GABBR2: variants seen among roughly 807,000 people sequenced by gnomAD.
GABBR2 encodes G-protein coupled receptor 51.
In GABBR2, 23 loss-of-function variants were observed where a neutral mutation model predicts 105.6. The ratio of observed to expected loss-of-function variants is 0.22; its 90% CI spans 0.16 to 0.31. GABBR2 has a LOEUF of 0.31. Ranked by LOEUF, GABBR2 falls within the 10% of genes least tolerant of loss-of-function variation. The pLI, the probability that GABBR2 is intolerant of heterozygous loss-of-function variation, is 1.00. For synonymous variants in GABBR2, 478 were observed against 499.7 expected, an observed-to-expected ratio of 0.96 and a Z score of 0.58; for missense variants, 734 against 1,245.5, an observed-to-expected ratio of 0.59 and a Z score of 6.18.
At chr9:98,508,940 G>C (rs1588202659) in intron 3 of GABBR2, among the ~76,000 whole-genome samples, 1 of 152,212 alleles carries the variant, frequency 6.6e-6, no homozygotes, top group South Asian at 2.1e-4. Context: ...CCAGCATGCA[G>C]CTGGAGATGT....
chr9:98,495,789 C>G (rs1827266310), intron 4 of GABBR2, among the ~76,000 whole-genome samples: 1 of 152,166 alleles, frequency 6.6e-6, no homozygotes, highest in African/African-American at 2.4e-5. Flanking sequence ...TGTTCCCAGG[C>G]CCCTTTGTTC....
chr9:98,429,175 C>T (rs887054019), intron 7 of GABBR2, among the ~76,000 whole-genome samples: 7 of 143,816 alleles, frequency 4.9e-5, no homozygotes, highest in South Asian at 2.2e-4. Context: ...AGTGTTGCTC[C>T]GCTGCCCAGG....
At chr9:98,389,786 A>G (rs528040990) in intron 9 of GABBR2, among the ~76,000 whole-genome samples, 1 of 152,308 alleles carries the variant, frequency 6.6e-6, no homozygotes, top group Admixed American at 6.5e-5. Flanking sequence ...TGAGGGATTC[A>G]GGGACTCCCC....
chr9:98,355,945 G>A (rs1180003607), intron 13 of GABBR2, among the ~76,000 whole-genome samples: 1 of 152,148 alleles, frequency 6.6e-6, no homozygotes, highest in Non-Finnish European at 1.5e-5. Flanking sequence ...AGATGCAAAG[G>A]TAATACAATG....
At chr9:98,598,979 A>G (rs1829280118) in intron 1 of GABBR2, among the ~76,000 whole-genome samples, 1 of 152,184 alleles carries the variant, frequency 6.6e-6, no homozygotes, top group Non-Finnish European at 1.5e-5. Context: ...TAGCCCTCTG[A>G]AGTAGACCTA....
intron 7 of GABBR2, among the ~76,000 whole-genome samples, chr9:98,425,964 TAG>T (rs1448777634): frequency 6.6e-6 from 1 of 152,188 alleles, no homozygotes; most frequent in Non-Finnish European, 1.5e-5. Flanking sequence ...ATTCCAATGC[TAG>T]AAATGCACGT....
At position 98,636,560 on chromosome 9, in the gene GABBR2, C is replaced by A. The variant is rs1230827086; in HGVS notation, c.322-58488G>T. On this transcript the variant is annotated intron_variant, in intron 1 of 18. Transcript: ENST00000259455. ...CCAGGCTGGAGTGCAGTGGCGTGAT[C>A]TCAGCTCACTGCAACCCCCACCTCC... 6.7e-5 allele frequency among the ~76,000 whole-genome samples: 8 copies of A among 119,952 alleles called. No individual in the cohort carries two copies. The Admixed American group carries it at 9.6e-4, about 14-fold the overall frequency. 78.7% of individuals were successfully genotyped at this position (119,952 alleles called of 152,430 possible).
At chr9:98,291,410 C>A (rs1830300928) in intron 18 of GABBR2, among the ~76,000 whole-genome samples, 1 of 152,190 alleles carries the variant, frequency 6.6e-6, no homozygotes, top group South Asian at 2.1e-4. Flanking sequence ...TCTACTCTTG[C>A]AAACCTCCAC....
At chr9:98,637,897 T>C (rs1046088390) in intron 1 of GABBR2, among the ~76,000 whole-genome samples, 1 of 152,222 alleles carries the variant, frequency 6.6e-6, no homozygotes, top group Non-Finnish European at 1.5e-5. Context: ...AGAAATCTAA[T>C]GCACTTACTA....
Position 98,306,008 on chromosome 9 carries a change from A to G in GABBR2, c.2229+113T>C, listed in dbSNP as rs1830544803. 2.8e-6 allele frequency: 2 copies of G among 708,894 alleles called. No homozygotes were observed. The highest frequency in any genetic ancestry group is 5.5e-5 in the East Asian group (2 of 36,652). 43.9% of individuals were successfully genotyped at this position (708,894 alleles called of 1,614,324 possible). A position where few individuals can be genotyped will look rare whatever the true frequency, so the allele number is the denominator to read the frequency against. ...ATTTTCTATAATGTGAATTGTCTTC[A>G]TCATAAAAAAAAAAAGGAATGGGTA... is the stretch of plus-strand genomic sequence containing the variant. On this transcript the variant is annotated intron_variant, in intron 15 of 18. Transcript: ENST00000259455. The surrounding 1 kb of genome is among the most constrained non-coding windows in gnomAD (Gnocchi z 5.4).
Position 98,306,556 on chromosome 9 carries a change from G to A in GABBR2, c.2005-211C>T, listed in dbSNP as rs1348340484. 1 of 590,238 alleles carries A rather than the reference G, an allele frequency of 1.7e-6. No homozygotes were observed. The highest frequency in any genetic ancestry group is 2.9e-5 in the East Asian group (1 of 34,810). 36.6% of individuals were successfully genotyped at this position (590,238 alleles called of 1,614,324 possible). A position where few individuals can be genotyped will look rare whatever the true frequency, so the allele number is the denominator to read the frequency against. ...GTCCTGCTGAGCAAATGCAGACTGG[G>A]GATGTGACAGCTGTCCAGTTCTCCT... On this transcript the variant is annotated intron_variant, in intron 14 of 18. Coordinates refer to ENST00000259455, the MANE Select transcript of GABBR2 (RefSeq NM_005458.8). This position sits in a 1 kb window ranked among gnomAD's most constrained non-coding sequence, Gnocchi z 5.4.
chr9:98,645,013 G>T (rs1415760665), intron 1 of GABBR2, among the ~76,000 whole-genome samples: 1 of 152,052 alleles, frequency 6.6e-6, no homozygotes, highest in Non-Finnish European at 1.5e-5. Context: ...GCTGTTTTCT[G>T]GGGTCCCTCA....
At chr9:98,616,496 G>A (rs1211484444) in intron 1 of GABBR2, among the ~76,000 whole-genome samples, 4 of 152,226 alleles carry the variant, frequency 2.6e-5, no homozygotes, top group Non-Finnish European at 5.9e-5. Context: ...CCTCACGCCT[G>A]TAATCCCAAC....
intron 13 of GABBR2, among the ~76,000 whole-genome samples, chr9:98,336,554 A>C (rs1249187373): frequency 6.6e-6 from 1 of 152,084 alleles, no homozygotes; most frequent in Non-Finnish European, 1.5e-5. Context: ...AAAATACAAA[A>C]ATTAGCCAGG....
intron 13 of GABBR2, among the ~76,000 whole-genome samples, chr9:98,315,834 G>C (rs796778378): frequency 3.9e-5 from 6 of 152,264 alleles, no homozygotes; most frequent in African/African-American, 1.2e-4. Context: ...GCTGTCAGCA[G>C]CATCTTGTGC....
At chr9:98,632,112 TTCTGTGTTC>T (rs1829822449) in intron 1 of GABBR2, among the ~76,000 whole-genome samples, 1 of 152,166 alleles carries the variant, frequency 6.6e-6, no homozygotes, top group Non-Finnish European at 1.5e-5. Flanking sequence ...GTAGCGTTTG[TTCTGTGTTC>T]TCTGAAGCAA....
intron 7 of GABBR2, among the ~76,000 whole-genome samples, chr9:98,423,575 A>G (rs1392719865): frequency 1.3e-5 from 2 of 151,944 alleles, no homozygotes; most frequent in African/African-American, 2.4e-5. Context: ...CTCTGATGGT[A>G]GTTTCTTTTG....
chr9:98,310,980 G>T lies in GABBR2; in HGVS notation c.2004+115C>A, dbSNP rs866271954. ...GTGGCAGGCACTGAGTCCACAGAGAGTAACTGCTTAGTCATGGAGGCTCTG... is the reference window on the plus strand; with the variant it reads ...GTGGCAGGCACTGAGTCCACAGAGATTAACTGCTTAGTCATGGAGGCTCTG... On this transcript the variant is annotated intron_variant, in intron 14 of 18. Coordinates refer to ENST00000259455, the MANE Select transcript of GABBR2 (RefSeq NM_005458.8). 51 of 644,336 alleles carry T rather than the reference G, an allele frequency of 7.9e-5. No individual in the cohort carries two copies. In the Middle Eastern group the frequency reaches 1.8e-3, roughly 23 times the overall value. 39.9% of individuals were successfully genotyped at this position (644,336 alleles called of 1,614,324 possible). A position where few individuals can be genotyped will look rare whatever the true frequency, so the allele number is the denominator to read the frequency against.
At chr9:98,414,230 A>T (rs1311944016) in intron 7 of GABBR2, among the ~76,000 whole-genome samples, 1 of 152,254 alleles carries the variant, frequency 6.6e-6, no homozygotes, top group Non-Finnish European at 1.5e-5. Context: ...ACTGGAGGCC[A>T]AGGAGGGCCT....
Sources: allele counts gnomAD v4.1 joint callset (sites outside exome capture counted in the v4.1 genomes callset), GRCh38; gene constraint gnomAD v4.1.1; non-coding constraint Gnocchi (gnomAD v3.1); transcripts MANE v1.5; gene names NCBI Gene and HGNC (gene_info 2026-07-23, HGNC 2026-07-21).